The following PA2G4 variants were observed in gnomAD, a reference collection of about 807,000 sequenced individuals.
PA2G4 encodes proliferation-associated protein 2G4.
In PA2G4, 8 loss-of-function variants were observed where a neutral mutation model predicts 53.3. The observed-to-expected ratio is 0.15, with a 90% CI of 0.09 to 0.27. The LOEUF (loss-of-function observed/expected upper bound fraction) is 0.27, where lower values mean the gene tolerates loss of function less well. PA2G4 is among the 10% of genes least tolerant of loss of function. PA2G4 has a pLI of 1.00. For synonymous variants in PA2G4, 143 were observed against 169.8 expected (o/e 0.84, Z 1.23); for missense variants, 208 against 486.8 (o/e 0.43, Z 5.39).
In PA2G4 at chr12:56,111,227, A is replaced by G. The variant is rs762145974; in HGVS notation, c.983A>G (p.Asn328Ser). 1.4e-5 allele frequency: 23 copies of G among 1,614,000 alleles called. No individual in the cohort carries two copies. Among genetic ancestry groups the G allele is most frequent in the Admixed American group, 3.3e-5 (2 of 60,004 alleles). Residue 328 changes from asparagine (N) to serine (S), a missense_variant, in exon 11 of 13, where the codon AAT becomes AGT. Coordinates refer to ENST00000303305, the MANE Select transcript of PA2G4 (RefSeq NM_006191.3). ...AAATTTACAGTTCTGCTCATGCCCA[A>G]TGGCCCCATGCGGATAACCAGTGGT... is the stretch of plus-strand genomic sequence containing the variant. ...QFKFTVLLMP[N>S]GPMRITSGPF...
At chr12:56,104,897 G>A (rs1869259920) in intron 1 of PA2G4, 72 bp downstream of exon 1, 1 of 1,308,622 alleles carries the variant, frequency 7.6e-7, no homozygotes, top group Admixed American at 1.7e-5. Context: ...GGAAGGGGCT[G>A]GAGCGGAGGG....
Position 56,107,523 on chromosome 12 carries a change from G to A in PA2G4, c.396G>A (p.Gly132=), listed in dbSNP as rs1399297487. ...TGATTGCATGTCCTTATCTACAGGG[G>A]ACCCAAGTAACAGGGAGGAAAGCAG... ...AHTFVVDVAQ[G]TQVTGRKADV... The change falls in exon 5 of 13, where the codon GGG becomes GGA. Residue 132 remains glycine, a splice_region_variant and synonymous_variant. Transcript: ENST00000303305. 6.2e-7 allele frequency: 1 copy of A among 1,610,822 alleles called. No individual in the cohort carries two copies. Among genetic ancestry groups the A allele is most frequent in the Admixed American group, 1.7e-5 (1 of 60,012 alleles).
chr12:56,110,852 C>T, intron 9 of PA2G4, 112 bp from the exon 10 acceptor site: 1 of 1,324,622 alleles, frequency 7.5e-7, no homozygotes, highest in Non-Finnish European at 1.1e-6. Context: ...TGTAAAAGAG[C>T]AATCCTAAGC....
rs1261174042 is a variant in PA2G4, at chr12:56,104,788, C to A, written c.51C>A (p.Val17=). The change falls in exon 1 of 13, where the codon GTC becomes GTA. Residue 17 remains valine, a synonymous_variant. Coordinates refer to ENST00000303305, the MANE Select transcript of PA2G4 (RefSeq NM_006191.3). Reference sequence around the variant, plus strand: ...AGCAAACTATCGCTGAGGACCTGGTCGTGACCAAGTATAAGATGGGGGGCG... The same window carrying A: ...AGCAAACTATCGCTGAGGACCTGGTAGTGACCAAGTATAAGATGGGGGGCG... The part of the protein sequence containing the change: ...QQEQTIAEDL[V]VTKYKMGGDI... 1 of 1,613,880 alleles carries A rather than the reference C, an allele frequency of 6.2e-7. No individual in the cohort carries two copies. Among genetic ancestry groups the A allele is most frequent in the East Asian group, 2.2e-5 (1 of 44,866 alleles).
chr12:56,108,837 G>T (rs190277254), intron 5 of PA2G4, among the ~76,000 whole-genome samples: 1 of 152,238 alleles, frequency 6.6e-6, no homozygotes, highest in Non-Finnish European at 1.5e-5. Flanking sequence ...ATATTAGAAC[G>T]CTCAGTTCTG....
chr12:56,110,306 G>A, intron 7 of PA2G4, 93 bp from the exon 8 acceptor site: 1 of 772,438 alleles, frequency 1.3e-6, no homozygotes, highest in South Asian at 1.6e-5. Flanking sequence ...GTTGCAGTGA[G>A]CTGAGATTGT....
In PA2G4 at chr12:56,110,997, T is replaced by C. The variant is rs1233288878; in HGVS notation, c.876T>C (p.Gly292=). The change falls in exon 10 of 13, where the codon GGT becomes GGC. Residue 292 remains glycine, a synonymous_variant. Coordinates refer to ENST00000303305, the MANE Select transcript of PA2G4 (RefSeq NM_006191.3). ...AAGATGAGAAGAAGGCTCGGATGGG[T>C]GTGGTGGAGTGCGCCAAACATGAAC... ...AFEDEKKARM[G]VVECAKHELL... 6.2e-7 allele frequency: 1 copy of C among 1,613,186 alleles called. No homozygotes were observed. The highest frequency in any genetic ancestry group is 1.7e-5 in the Admixed American group (1 of 60,006).
At chr12:56,107,730 TA>T in intron 5 of PA2G4, 117 bp downstream of exon 5, 1 of 641,600 alleles carries the variant, frequency 1.6e-6, no homozygotes, top group Non-Finnish European at 2.8e-6. Context: ...AACAGCTTTT[TA>T]AAATTAGCTA....
At chr12:56,111,146 A>T in intron 10 of PA2G4, 36 bp from the exon 11 acceptor site, 1 of 1,614,086 alleles carries the variant, frequency 6.2e-7, no homozygotes, top group East Asian at 2.2e-5. Context: ...TGACAAAGGA[A>T]CTTTTTATCA....
chr12:56,110,027 A>G, intron 7 of PA2G4, 92 bp downstream of exon 7: 2 of 907,746 alleles, frequency 2.2e-6, no homozygotes, highest in South Asian at 2.7e-5. Flanking sequence ...TCCGCCCTCT[A>G]CTCCATGTTT....
rs541885927 is a variant in PA2G4, at chr12:56,106,769, A to G, written c.217+53A>G. The stretch of plus-strand genomic sequence containing the variant: ...TTCCGTTTGACCCTTATTTGGTCCT[A>G]TATGTTTTTATTTTTTTCACTGTAA... On this transcript the variant is annotated intron_variant, in intron 2 of 12. Transcript: ENST00000303305. The G allele has an allele frequency of 2.8e-5, 43 of 1,550,000 alleles. No individual in the cohort carries two copies. In the South Asian group the frequency reaches 4.1e-4, roughly 15 times the overall value.
chr12:56,111,133 G>T (rs747873121), intron 10 of PA2G4, 49 bp from the exon 11 acceptor site: 4 of 1,613,840 alleles, frequency 2.5e-6, no homozygotes, highest in Middle Eastern at 1.6e-4. Context: ...GAAGAGCTAA[G>T]TATGACAAAG....
intron 3 of PA2G4, 33 bp downstream of exon 3, chr12:56,107,128 T>C: frequency 6.2e-7 from 1 of 1,607,156 alleles, no homozygotes; most frequent in South Asian, 1.1e-5. Context: ...CATTTTTCTT[T>C]TTTTAAAGCA....
chr12:56,107,890 G>C (rs1047646019), intron 5 of PA2G4, among the ~76,000 whole-genome samples: 2 of 152,018 alleles, frequency 1.3e-5, no homozygotes, highest in South Asian at 4.1e-4. Context: ...TTAGCTGGGC[G>C]TGGTAACATG....
rs574464105 is a variant in PA2G4 at position 56,108,026 on chromosome 12, C to A, written c.486+413C>A. On this transcript the variant is annotated intron_variant, in intron 5 of 12. Coordinates refer to ENST00000303305, the MANE Select transcript of PA2G4 (RefSeq NM_006191.3). Reference sequence around the variant, plus strand: ...CCTGGGCAACAATGAAACCCTGTCTCACAAAAGAAAAAGGAAAAATAAGCA... The same window carrying A: ...CCTGGGCAACAATGAAACCCTGTCTAACAAAAGAAAAAGGAAAAATAAGCA... 3.3e-5 allele frequency among the ~76,000 whole-genome samples: 5 copies of A among 152,112 alleles called. No homozygotes were observed. In the South Asian group the frequency reaches 1.0e-3, roughly 32 times the overall value.
At chr12:56,111,930 C>G (rs894883979) in intron 12 of PA2G4, among the ~76,000 whole-genome samples, 3 of 151,616 alleles carry the variant, frequency 2.0e-5, no homozygotes, top group Admixed American at 6.6e-5. Flanking sequence ...CTGACCAACA[C>G]AGAGAGAAAC....
At chr12:56,112,411 A>G (rs74912861) in intron 12 of PA2G4, among the ~76,000 whole-genome samples, 1,783 of 152,266 alleles carry the variant, frequency 0.012, 41 homozygotes, top group African/African-American at 0.04. Flanking sequence ...CAAGTTGACC[A>G]TTGTAAGTCA....
intron 8 of PA2G4, 23 bp downstream of exon 8, chr12:56,110,500 C>T: frequency 6.2e-7 from 1 of 1,613,568 alleles, no homozygotes; most frequent in Non-Finnish European, 8.5e-7. Context: ...CCAGAGTTGG[C>T]AAAGAGGGGT....
intron 1 of PA2G4, 51 bp downstream of exon 1, chr12:56,104,876 C>CA (rs1869258794): frequency 6.7e-7 from 1 of 1,490,420 alleles, no homozygotes; most frequent in South Asian, 1.2e-5. Context: ...GGAAAGGTAA[C>CA]AGGCTGGCCC....
Sources: gnomAD v4.1 joint callset for allele counts (sites outside exome capture counted in the v4.1 genomes callset) on GRCh38, gnomAD v4.1.1 for gene constraint, MANE v1.5 for transcripts, NCBI Gene and HGNC (gene_info 2026-07-23, HGNC 2026-07-21) for gene names.